Variants in BNC2 observed in about 807,000 individuals in gnomAD.
BNC2 encodes zinc finger protein basonuclin-2.
BNC2 carries 20 observed loss-of-function variants against 76.3 expected under a neutral mutation model. That is an observed-to-expected ratio of 0.26 (90% CI 0.18 to 0.38). The LOEUF is 0.38. Ranked by LOEUF, BNC2 falls within the 10% of genes least tolerant of loss-of-function variation. The pLI, the probability that BNC2 is intolerant of heterozygous loss-of-function variation, is 1.00. For synonymous variants in BNC2, 582 were observed against 514.8 expected (o/e 1.13, Z -1.77); for missense variants, 1,382 against 1,399.8 (o/e 0.99, Z 0.20).
At chr9:16,497,570 A>T (rs1164134778) in intron 5 of BNC2, among the ~76,000 whole-genome samples, 1 of 152,186 alleles carries the variant, frequency 6.6e-6, no homozygotes, top group Admixed American at 6.5e-5. Context: ...TGGACCTAAA[A>T]GTTTGGTGGG....
At chr9:16,724,597 G>C (rs1270966661) in intron 3 of BNC2, among the ~76,000 whole-genome samples, 1 of 152,050 alleles carries the variant, frequency 6.6e-6, no homozygotes, top group Admixed American at 6.5e-5. Flanking sequence ...GACTTCACTT[G>C]AACTTTAGGG....
intron 4 of BNC2, among the ~76,000 whole-genome samples, chr9:16,572,915 C>T (rs1456588586): frequency 6.6e-6 from 1 of 152,018 alleles, no homozygotes; most frequent in South Asian, 2.1e-4. Context: ...CTAGAGCCTA[C>T]GATTACCACG....
At chr9:16,423,588 C>A (rs1820749355) in intron 6 of BNC2, among the ~76,000 whole-genome samples, 1 of 152,168 alleles carries the variant, frequency 6.6e-6, no homozygotes, top group South Asian at 2.1e-4. Flanking sequence ...ATTGGTTTCC[C>A]TTCCATCAAT....
In BNC2 at chr9:16,409,848, C is replaced by A. The variant is rs1820423391; in HGVS notation, c.*9141G>T. 2.0e-5 allele frequency: 3 copies of A among 152,582 alleles called. No individual in the cohort carries two copies. Among genetic ancestry groups the A allele is most frequent in the Non-Finnish European group, 2.9e-5 (2 of 68,046 alleles). 9.5% of individuals were successfully genotyped at this position (152,582 alleles called of 1,614,324 possible). A position where few individuals can be genotyped will look rare whatever the true frequency, so the allele number is the denominator to read the frequency against. The stretch of plus-strand genomic sequence containing the variant: ...CTGTCCCATCCCTTGGTGCAGTTAC[C>A]TTTTGAAGTACAGACTTTGATTCTG... On this transcript the variant is annotated 3_prime_UTR_variant, in exon 7 of 7. Coordinates refer to ENST00000380672, the MANE Select transcript of BNC2 (RefSeq NM_017637.6).
intron 5 of BNC2, among the ~76,000 whole-genome samples, chr9:16,460,716 T>C (rs1357974363): frequency 6.6e-6 from 1 of 152,302 alleles, no homozygotes; most frequent in East Asian, 1.9e-4. Flanking sequence ...TTTTACTTAC[T>C]ATGATCTGCG....
intron 3 of BNC2, among the ~76,000 whole-genome samples, chr9:16,680,456 T>G (rs1056765435): frequency 6.6e-6 from 1 of 151,766 alleles, no homozygotes; most frequent in Admixed American, 6.6e-5. Context: ...GTAGCAGAAA[T>G]AGTAAACACA....
chr9:16,827,865 A>G (rs1308949761), intron 1 of BNC2, among the ~76,000 whole-genome samples: 1 of 152,236 alleles, frequency 6.6e-6, no homozygotes, highest in Admixed American at 6.5e-5. Context: ...TAATGGCAAC[A>G]TGTATTTTGT....
chr9:16,642,057 C>T (rs1013959880), intron 3 of BNC2, among the ~76,000 whole-genome samples: 2 of 152,188 alleles, frequency 1.3e-5, no homozygotes, highest in African/African-American at 2.4e-5. Context: ...ATCTGATTTA[C>T]CATCATGTTC....
chr9:16,478,568 A>G (rs1302169491), intron 5 of BNC2, among the ~76,000 whole-genome samples: 2 of 152,202 alleles, frequency 1.3e-5, no homozygotes. Flanking sequence ...CTATAACCTA[A>G]TTTCTGATCT....
chr9:16,556,882 T>G (rs980718428), intron 4 of BNC2, among the ~76,000 whole-genome samples: 3 of 152,202 alleles, frequency 2.0e-5, no homozygotes, highest in Non-Finnish European at 4.4e-5. Context: ...TTATAATTAC[T>G]AGATCATATC....
At chr9:16,485,765 C>T (rs1417611091) in intron 5 of BNC2, among the ~76,000 whole-genome samples, 1 of 152,008 alleles carries the variant, frequency 6.6e-6, no homozygotes, top group Admixed American at 6.6e-5. Flanking sequence ...GCTGTTACCA[C>T]ACCACTGCAC....
intron 3 of BNC2, among the ~76,000 whole-genome samples, chr9:16,606,644 C>T (rs1421051587): frequency 6.6e-6 from 1 of 151,854 alleles, no homozygotes; most frequent in Non-Finnish European, 1.5e-5. Flanking sequence ...AGCAATTCTC[C>T]AGCCCCAGCC....
chr9:16,595,623 C>G (rs1449149532), intron 3 of BNC2, among the ~76,000 whole-genome samples: 1 of 152,054 alleles, frequency 6.6e-6, no homozygotes, highest in African/African-American at 2.4e-5. Flanking sequence ...AATTCATATG[C>G]TCAGAGAAAT....
At chr9:16,567,920 C>T (rs187899550) in intron 4 of BNC2, among the ~76,000 whole-genome samples, 512 of 152,276 alleles carry the variant, frequency 3.4e-3, no homozygotes, top group African/African-American at 0.012. Context: ...AATTAAAAAT[C>T]TGTACGAAAA....
intron 1 of BNC2, among the ~76,000 whole-genome samples, chr9:16,866,782 A>G (rs904042853): frequency 6.6e-6 from 1 of 151,994 alleles, no homozygotes; most frequent in African/African-American, 2.4e-5. Flanking sequence ...TTAAACCTTA[A>G]GTATATCTAA....
In BNC2 at chr9:16,573,398, T is replaced by C. The variant is rs187674274; in HGVS notation, c.433+9585A>G. Reference sequence around the variant, plus strand: ...AACTCTTAATGACTATTTTACATTCTTTTTTTAAATAAGATGACAGCTCCA... The same window carrying C: ...AACTCTTAATGACTATTTTACATTCCTTTTTTAAATAAGATGACAGCTCCA... On this transcript the variant is annotated intron_variant, in intron 4 of 6. Transcript: ENST00000380672. 8.7e-4 allele frequency among the ~76,000 whole-genome samples: 133 copies of C among 152,284 alleles called. 1 individual carries two copies. Among genetic ancestry groups the C allele is most frequent in the African/African-American group, 2.9e-3 (121 of 41,574 alleles).
chr9:16,741,120 G>A (rs1824836017), intron 1 of BNC2, among the ~76,000 whole-genome samples: 2 of 152,126 alleles, frequency 1.3e-5, no homozygotes, highest in African/African-American at 4.8e-5. Flanking sequence ...AGGGAGACAT[G>A]ATAGGAAGGA....
intron 3 of BNC2, among the ~76,000 whole-genome samples, chr9:16,590,138 A>T (rs1819884111): frequency 2.6e-5 from 4 of 152,116 alleles, no homozygotes; most frequent in Admixed American, 2.6e-4. Flanking sequence ...GGTAAAAGAA[A>T]ATGCATCACA....
chr9:16,693,111 C>A (rs1330741183), intron 3 of BNC2, among the ~76,000 whole-genome samples: 5 of 100,640 alleles, frequency 5.0e-5, no homozygotes, highest in African/African-American at 2.0e-4. Flanking sequence ...GCCTGGGCAA[C>A]ACAGTAAGAC....
Sources: gnomAD v4.1 joint callset for allele counts (sites outside exome capture counted in the v4.1 genomes callset) on GRCh38, gnomAD v4.1.1 for gene constraint, MANE v1.5 for transcripts, NCBI Gene and HGNC (gene_info 2026-07-23, HGNC 2026-07-21) for gene names.